The following PRIM2 variants were observed in gnomAD, a reference collection of about 807,000 sequenced individuals.
The protein encoded by PRIM2 is DNA primase large subunit.
PRIM2 carries 39 observed loss-of-function variants against 67.3 expected under a neutral mutation model. The ratio of observed to expected loss-of-function variants is 0.58; its 90% CI spans 0.45 to 0.76. PRIM2 has a LOEUF of 0.76. PRIM2 is among the 30% of genes least tolerant of loss of function. The pLI, the probability that PRIM2 is intolerant of heterozygous loss-of-function variation, is 0.00. For missense variants in PRIM2, 398 were observed against 598.7 expected, an observed-to-expected ratio of 0.66 and a Z score of 3.50; for synonymous variants, 143 against 198.7, an observed-to-expected ratio of 0.72 and a Z score of 2.36.
At chr6:57,302,147 TG>T in the PRIM2 span, among the ~76,000 whole-genome samples, 1 of 152,232 alleles carries the variant, frequency 6.6e-6, no homozygotes, top group Admixed American at 6.5e-5. Context: ...GTGCCTTTTA[TG>T]CTGAAAATAT....
the PRIM2 span, among the ~76,000 whole-genome samples, chr6:57,226,738 G>A: frequency 6.6e-6 from 1 of 152,200 alleles, no homozygotes; most frequent in Non-Finnish European, 1.5e-5. Context: ...AAGAGATGAT[G>A]GAGGGTTAGA....
upstream of PRIM2, among the ~76,000 whole-genome samples, chr6:57,311,224 G>T (rs181353107): frequency 7.0e-4 from 98 of 139,934 alleles, no homozygotes; most frequent in African/African-American, 2.8e-3. Context: ...GGGCAGAGGC[G>T]CTCCTCACCT....
intron 7 of PRIM2, among the ~76,000 whole-genome samples, chr6:57,432,401 C>T (rs1423632766): frequency 6.6e-6 from 1 of 152,054 alleles, no homozygotes; most frequent in South Asian, 2.1e-4. Flanking sequence ...ATCTGGGAGG[C>T]AGGAGTTCAG....
chr6:57,622,002 G>A (rs2127497150), intron 12 of PRIM2, among the ~76,000 whole-genome samples: 1 of 151,880 alleles, frequency 6.6e-6, no homozygotes, highest in East Asian at 1.9e-4. Flanking sequence ...CCAGGCTGGA[G>A]CGCAGTGGCA....
chr6:57,360,569 T>C (rs2127311535), intron 5 of PRIM2, among the ~76,000 whole-genome samples: 1 of 152,362 alleles, frequency 6.6e-6, no homozygotes, highest in East Asian at 1.9e-4. Context: ...ACAGATTTGC[T>C]GCTATTATGA....
intron 10 of PRIM2, among the ~76,000 whole-genome samples, chr6:57,550,090 CT>C (rs1489813693): frequency 4.6e-5 from 7 of 152,170 alleles, no homozygotes; most frequent in South Asian, 2.1e-4. Context: ...CGTGTCCCCC[CT>C]AAACCCCCCT....
chr6:57,294,131 T>C, the PRIM2 span, among the ~76,000 whole-genome samples: 1 of 152,292 alleles, frequency 6.6e-6, no homozygotes, highest in East Asian at 1.9e-4. Context: ...GCTGTATTTA[T>C]TGATATTGCA....
In PRIM2 at chr6:57,403,327, G is replaced by T. The variant is rs571752882; in HGVS notation, c.693+21159G>T. ...GCTGGAGTGCAGTGGCGCGAACTCG[G>T]CTCACTGCAAGCTCTGCCTCCCGGG... On this transcript the variant is annotated intron_variant, in intron 7 of 13. Coordinates refer to ENST00000615550, the MANE Select transcript of PRIM2 (RefSeq NM_000947.5). 2.7e-5 allele frequency among the ~76,000 whole-genome samples: 4 copies of T among 150,552 alleles called. No individual in the cohort carries two copies. The East Asian group carries it at 5.8e-4, about 22-fold the overall frequency.
the PRIM2 span, among the ~76,000 whole-genome samples, chr6:57,281,789 C>G: frequency 9.7e-4 from 147 of 152,262 alleles, no homozygotes; most frequent in African/African-American, 3.3e-3. Context: ...GATGAATTCT[C>G]ACTCACTAAG....
At chr6:57,485,469 A>C (rs1468095936) in intron 7 of PRIM2, among the ~76,000 whole-genome samples, 1 of 152,100 alleles carries the variant, frequency 6.6e-6, no homozygotes, top group African/African-American at 2.4e-5. Context: ...CATGTGAATT[A>C]GGTTGGAGTT....
chr6:57,566,884 A>C (rs1775753655), intron 10 of PRIM2, among the ~76,000 whole-genome samples: 1 of 152,290 alleles, frequency 6.6e-6, no homozygotes, highest in South Asian at 2.1e-4. Flanking sequence ...GCAACTTAGC[A>C]GCTGTAACCT....
chr6:57,340,361 T>C (rs1166188204), intron 5 of PRIM2, among the ~76,000 whole-genome samples: 1 of 152,160 alleles, frequency 6.6e-6, no homozygotes, highest in Non-Finnish European at 1.5e-5. Flanking sequence ...ACTGGGTATA[T>C]ACCCAAAGGA....
chr6:57,413,968 A>G (rs1384233693), intron 7 of PRIM2, among the ~76,000 whole-genome samples: 16 of 152,154 alleles, frequency 1.1e-4, no homozygotes, highest in Non-Finnish European at 2.2e-4. Context: ...CAAGAAGGCA[A>G]ATAAACAGCA....
At chr6:57,622,825 CA>C (rs1191103034) in intron 12 of PRIM2, among the ~76,000 whole-genome samples, 45 of 152,122 alleles carry the variant, frequency 3.0e-4, no homozygotes, top group African/African-American at 9.9e-4. Context: ...ATATTAAATC[CA>C]AAACTGGCAA....
chr6:57,506,406 A>G (rs1233950325), intron 7 of PRIM2, among the ~76,000 whole-genome samples: 4 of 152,098 alleles, frequency 2.6e-5, no homozygotes, highest in Middle Eastern at 3.2e-3. Context: ...TTTTTAGGAA[A>G]TTGTAATTAA....
the PRIM2 span, among the ~76,000 whole-genome samples, chr6:57,240,585 A>G: frequency 2.6e-5 from 4 of 152,212 alleles, no homozygotes; most frequent in African/African-American, 4.8e-5. Flanking sequence ...GGTGAGAGGT[A>G]GAGAGAAGTC....
the PRIM2 span, among the ~76,000 whole-genome samples, chr6:57,299,334 A>C: frequency 2.6e-5 from 4 of 152,226 alleles, no homozygotes; most frequent in Non-Finnish European, 5.9e-5. Context: ...TGAATAAAAG[A>C]AAGGACATTT....
At chr6:57,356,046 G>A (rs1171256556) in intron 5 of PRIM2, among the ~76,000 whole-genome samples, 1 of 152,140 alleles carries the variant, frequency 6.6e-6, no homozygotes, top group African/African-American at 2.4e-5. Flanking sequence ...GGGCATCTGA[G>A]GTATAGACAT....
the PRIM2 span, among the ~76,000 whole-genome samples, chr6:57,305,465 A>G: frequency 6.6e-6 from 1 of 152,206 alleles, no homozygotes; most frequent in Non-Finnish European, 1.5e-5. Flanking sequence ...ATGATCAAAT[A>G]ATCAGTCTCA....
Sources: allele counts gnomAD v4.1 joint callset (sites outside exome capture counted in the v4.1 genomes callset), GRCh38; gene constraint gnomAD v4.1.1; transcripts MANE v1.5; gene names NCBI Gene and HGNC (gene_info 2026-07-23, HGNC 2026-07-21).